CENPP: variants seen among roughly 807,000 people sequenced by gnomAD.
The protein encoded by CENPP is centromere protein P.
CENPP carries 24 observed loss-of-function variants against 35.6 expected under a neutral mutation model. That is an observed-to-expected ratio of 0.67 (90% CI 0.49 to 0.95). The LOEUF (loss-of-function observed/expected upper bound fraction) is 0.95. CENPP is among the 40% of genes least tolerant of loss of function. The pLI is 0.00. For synonymous variants in CENPP, 120 were observed against 125.5 expected (o/e 0.96, Z 0.29); for missense variants, 332 against 345.3 (o/e 0.96, Z 0.31).
At position 92,613,641 on chromosome 9, in the gene CENPP, G is replaced by A. The variant is rs1851339928; in HGVS notation, c.*492G>A. On this transcript the variant is annotated 3_prime_UTR_variant, in exon 8 of 8. Transcript: ENST00000375587. ...TCCCTGCCTCCCCCCGGTCCGCATG[G>A]TGGCACCGTGAGGCAGTCTCAGCAA... is the stretch of plus-strand genomic sequence containing the variant. The A allele has an allele frequency of 6.2e-6, 1 of 160,762 alleles. No individual in the cohort carries two copies. Among genetic ancestry groups the A allele is most frequent in the African/African-American group, 2.4e-5 (1 of 41,594 alleles). 10.0% of individuals were successfully genotyped at this position (160,762 alleles called of 1,614,324 possible).
intron 4 of CENPP, among the ~76,000 whole-genome samples, chr9:92,369,023 G>A (rs1564281730): frequency 1.3e-5 from 2 of 152,278 alleles, no homozygotes; most frequent in East Asian, 3.9e-4. Context: ...CAGGCTAGGT[G>A]ACAGAGCAAC....
At chr9:92,336,814 A>G (rs1227161977) in intron 2 of CENPP, among the ~76,000 whole-genome samples, 2 of 152,246 alleles carry the variant, frequency 1.3e-5, no homozygotes, top group Non-Finnish European at 2.9e-5. Flanking sequence ...CATTTTATGC[A>G]TTCAAATGTA....
At chr9:92,424,874 C>T (rs1395379510) in intron 5 of CENPP, among the ~76,000 whole-genome samples, 1 of 151,976 alleles carries the variant, frequency 6.6e-6, no homozygotes, top group African/African-American at 2.4e-5. Flanking sequence ...TGGGGTTTCA[C>T]CATGTTGGCC....
chr9:92,514,992 A>AG (rs781437704), intron 5 of CENPP: 1 of 1,614,034 alleles, frequency 6.2e-7, no homozygotes, highest in South Asian at 1.1e-5. Flanking sequence ...TTCTAGATTC[A>AG]GGGGTCTCTC....
intron 5 of CENPP, chr9:92,522,451 G>A: frequency 9.1e-7 from 1 of 1,101,614 alleles, no homozygotes; most frequent in South Asian, 2.0e-5. Flanking sequence ...TAATAACCTG[G>A]ATTTTTCTTT....
At chr9:92,362,842 A>G (rs1041315697) in intron 4 of CENPP, among the ~76,000 whole-genome samples, 15 of 152,192 alleles carry the variant, frequency 9.9e-5, no homozygotes, top group Admixed American at 3.3e-4. Flanking sequence ...ATGTATGTAT[A>G]TGTATCCATA....
intron 5 of CENPP, among the ~76,000 whole-genome samples, chr9:92,546,239 C>T (rs1444482125): frequency 6.6e-6 from 1 of 152,194 alleles, no homozygotes. Context: ...CCAATCAGCT[C>T]TCTGTAAAAT....
chr9:92,426,083 A>G (rs1036262560), intron 5 of CENPP, among the ~76,000 whole-genome samples: 17 of 152,314 alleles, frequency 1.1e-4, no homozygotes, highest in Admixed American at 5.9e-4. Context: ...TAGAAAATTT[A>G]AACTGATTGG....
chr9:92,449,075 A>G (rs1264676418), intron 5 of CENPP, among the ~76,000 whole-genome samples: 2 of 152,198 alleles, frequency 1.3e-5, no homozygotes, highest in Admixed American at 6.5e-5. Context: ...AGTTAAAAGC[A>G]TGGAGCTAGA....
intron 5 of CENPP, among the ~76,000 whole-genome samples, chr9:92,451,196 C>T (rs991392927): frequency 8.7e-5 from 13 of 149,284 alleles, no homozygotes; most frequent in Middle Eastern, 3.4e-3. Flanking sequence ...AATGGTAATG[C>T]CTAGGTTTTC....
intron 1 of CENPP, among the ~76,000 whole-genome samples, chr9:92,326,400 G>T (rs971486777): frequency 2.6e-5 from 4 of 152,328 alleles, no homozygotes; most frequent in African/African-American, 9.6e-5. Context: ...GTATGCAGAA[G>T]TATCTCTAGT....
chr9:92,530,320 A>G (rs909071506), intron 5 of CENPP, among the ~76,000 whole-genome samples: 2 of 152,190 alleles, frequency 1.3e-5, no homozygotes, highest in Non-Finnish European at 2.9e-5. Context: ...AGATTTATCC[A>G]TGGTGTGAGA....
At position 92,617,784 on chromosome 9, in the gene CENPP, C is replaced by T. The variant is rs930340850; in HGVS notation, c.*4635C>T. On this transcript the variant is annotated 3_prime_UTR_variant, in exon 8 of 8. Transcript: ENST00000375587. ...TCGAGAGGAGCATCAGGGTTTAGGCCGGGAAGCTGTGGCAGCTCTCTCCAC... is the reference window on the plus strand; with the variant it reads ...TCGAGAGGAGCATCAGGGTTTAGGCTGGGAAGCTGTGGCAGCTCTCTCCAC... 1.1e-5 allele frequency: 2 copies of T among 180,180 alleles called. No individual in the cohort carries two copies. Among genetic ancestry groups the T allele is most frequent in the East Asian group, 1.5e-4 (1 of 6,566 alleles). The allele number at this position is 180,180 out of a possible 1,614,324, so 11.2% of individuals were successfully genotyped here. A position where few individuals can be genotyped will look rare whatever the true frequency, so the allele number is the denominator to read the frequency against.
chr9:92,555,633 C>T (rs140577895), intron 5 of CENPP, among the ~76,000 whole-genome samples: 60 of 152,088 alleles, frequency 3.9e-4, no homozygotes, highest in African/African-American at 1.4e-3. Context: ...TGTATTTTTC[C>T]AGGAACTTAT....
chr9:92,332,211 G>T lies in CENPP; in HGVS notation c.149G>T (p.Trp50Leu). ...QAIHQFNLEG[W>L]KSSKDLKNQL... ...ATACACCAATTCAATTTGGAAGGAT[G>T]GAAGTCTTCAAAAGATCTGAAAAAT... is the stretch of plus-strand genomic sequence containing the variant. The change falls in exon 2 of 8, where the codon TGG becomes TTG. Residue 50 changes from tryptophan (W) to leucine (L), a missense_variant. Coordinates refer to ENST00000375587, the MANE Select transcript of CENPP (RefSeq NM_001012267.3). 1 of 1,610,394 alleles carries T rather than the reference G, an allele frequency of 6.2e-7. No homozygotes were observed. Among genetic ancestry groups the T allele is most frequent in the Non-Finnish European group, 8.5e-7 (1 of 1,178,834 alleles).
At chr9:92,496,432 A>T (rs545396916) in intron 5 of CENPP, 1 of 1,609,162 alleles carries the variant, frequency 6.2e-7, no homozygotes, top group African/African-American at 1.3e-5. Context: ...GATGTTCCAG[A>T]TTTGAGTCAT....
At chr9:92,562,283 C>A (rs1849867843) in intron 5 of CENPP, among the ~76,000 whole-genome samples, 1 of 149,594 alleles carries the variant, frequency 6.7e-6, no homozygotes, top group Non-Finnish European at 1.5e-5. Flanking sequence ...TGGCTCACTG[C>A]AACCTCTACC....
At chr9:92,374,188 A>T (rs1842072885) in intron 4 of CENPP, among the ~76,000 whole-genome samples, 1 of 150,766 alleles carries the variant, frequency 6.6e-6, no homozygotes, top group Non-Finnish European at 1.5e-5. Flanking sequence ...ATCCATTTAC[A>T]TTTAAACCAA....
chr9:92,588,101 C>T (rs1217348862), intron 5 of CENPP, among the ~76,000 whole-genome samples: 1 of 151,646 alleles, frequency 6.6e-6, no homozygotes, highest in Admixed American at 6.6e-5. Flanking sequence ...GATTGTGCCA[C>T]TGCACTCCAG....
Sources: allele counts gnomAD v4.1 joint callset (sites outside exome capture counted in the v4.1 genomes callset), GRCh38; gene constraint gnomAD v4.1.1; transcripts MANE v1.5; gene names NCBI Gene and HGNC (gene_info 2026-07-23, HGNC 2026-07-21).